The following EYS variants were observed in gnomAD, a reference collection of about 807,000 sequenced individuals.
EYS encodes protein eyes shut homolog.
Under a neutral mutation model 282.1 loss-of-function variants are expected in EYS, and 250 were observed. That is an observed-to-expected ratio of 0.89 (90% CI 0.80 to 0.98). The LOEUF (loss-of-function observed/expected upper bound fraction) is 0.98. Among genes scored for constraint, EYS ranks in the 50% least tolerant of loss-of-function variants. EYS has a pLI of 0.00. For synonymous variants in EYS, 1,355 were observed against 1,282.9 expected (o/e 1.06, Z -1.20); for missense variants, 4,016 against 3,709.0 (o/e 1.08, Z -2.15).
chr6:64,635,203 T>G (rs1461270125), intron 22 of EYS, among the ~76,000 whole-genome samples: 3 of 152,202 alleles, frequency 2.0e-5, no homozygotes, highest in Non-Finnish European at 4.4e-5. Context: ...AAGTTGCCTA[T>G]CAGCTTGAGG....
At chr6:65,101,777 G>A (rs531432154) in intron 12 of EYS, among the ~76,000 whole-genome samples, 2 of 151,204 alleles carry the variant, frequency 1.3e-5, no homozygotes, top group East Asian at 1.9e-4. Context: ...CTATATTGCA[G>A]TCCCTAGTTA....
At chr6:64,026,417 C>T (rs1562159869) in intron 33 of EYS, among the ~76,000 whole-genome samples, 3 of 152,088 alleles carry the variant, frequency 2.0e-5, no homozygotes, top group Non-Finnish European at 2.9e-5. Context: ...GCCATTGGGA[C>T]CAATTTGACC....
chr6:64,006,924 T>A (rs1157651397), intron 33 of EYS, among the ~76,000 whole-genome samples: 3 of 152,164 alleles, frequency 2.0e-5, no homozygotes, highest in Non-Finnish European at 4.4e-5. Context: ...TTTGCATTGA[T>A]GTTCATCGAA....
intron 2 of EYS, among the ~76,000 whole-genome samples, chr6:65,599,011 C>T (rs990198384): frequency 6.6e-6 from 1 of 152,046 alleles, no homozygotes; most frequent in Non-Finnish European, 1.5e-5. Context: ...AATCATCCCT[C>T]AGTATCCTCA....
chr6:64,669,424 C>A (rs1769357738), intron 22 of EYS, among the ~76,000 whole-genome samples: 1 of 152,034 alleles, frequency 6.6e-6, no homozygotes, highest in Non-Finnish European at 1.5e-5. Context: ...AGAGAAACGA[C>A]CTCAGATTTG....
chr6:65,693,118 CAAG>C (rs1166890140), intron 1 of EYS, among the ~76,000 whole-genome samples: 2 of 149,876 alleles, frequency 1.3e-5, no homozygotes, highest in African/African-American at 4.9e-5. Context: ...CCAATAATAA[CAAG>C]AAGTCAAATA....
intron 33 of EYS, among the ~76,000 whole-genome samples, chr6:64,026,677 C>T (rs897633496): frequency 2.0e-5 from 3 of 152,198 alleles, no homozygotes; most frequent in African/African-American, 7.2e-5. Flanking sequence ...GACCTCTCAG[C>T]TTACCCCCAT....
intron 1 of EYS, among the ~76,000 whole-genome samples, chr6:65,681,881 C>T (rs548061867): frequency 1.1e-4 from 17 of 151,906 alleles, no homozygotes; most frequent in Non-Finnish European, 1.8e-4. Context: ...AAAATCTAAT[C>T]ATTAAGAAAT....
intron 28 of EYS, among the ~76,000 whole-genome samples, chr6:64,418,993 T>C (rs1352468268): frequency 6.6e-6 from 1 of 152,134 alleles, no homozygotes; most frequent in Non-Finnish European, 1.5e-5. Context: ...GGTGCCAGGG[T>C]GTCAGCTGAA....
chr6:64,150,488 A>G (rs1774665465), intron 31 of EYS, among the ~76,000 whole-genome samples: 1 of 152,226 alleles, frequency 6.6e-6, no homozygotes, highest in Admixed American at 6.5e-5. Flanking sequence ...CCAATGATGT[A>G]GTAAAATGTA....
chr6:65,588,548 G>A lies in EYS; in HGVS notation c.-333+51230C>T, dbSNP rs552033364. On this transcript the variant is annotated intron_variant, in intron 2 of 42. Coordinates refer to ENST00000503581, the MANE Select transcript of EYS (RefSeq NM_001142800.2). ...TAAACTATTTCTAAACCTTCCCCCT[G>A]TCCATATCGTGCCTCTGTATTCGAA... 9.5e-5 allele frequency among the ~76,000 whole-genome samples: 14 copies of A among 148,078 alleles called. No homozygotes were observed. The Admixed American group carries it at 9.7e-4, about 10-fold the overall frequency.
intron 28 of EYS, among the ~76,000 whole-genome samples, chr6:64,395,919 A>C (rs1380488628): frequency 3.9e-5 from 6 of 152,136 alleles, no homozygotes; most frequent in African/African-American, 1.4e-4. Flanking sequence ...ATTTATATTG[A>C]ATTATGGCAT....
At chr6:64,899,268 G>T (rs1236331421) in intron 18 of EYS, among the ~76,000 whole-genome samples, 1 of 152,104 alleles carries the variant, frequency 6.6e-6, no homozygotes, top group East Asian at 1.9e-4. Context: ...AGACCACAGT[G>T]CAACAAACTA....
At chr6:65,291,818 T>G (rs1334159580) in intron 12 of EYS, among the ~76,000 whole-genome samples, 3 of 151,626 alleles carry the variant, frequency 2.0e-5, no homozygotes, top group African/African-American at 7.3e-5. Flanking sequence ...AGGATCCTGC[T>G]TCTACCTACA....
intron 11 of EYS, chr6:65,331,629 A>G: frequency 1.0e-6 from 1 of 981,460 alleles, no homozygotes; most frequent in Non-Finnish European, 1.2e-6. Context: ...AATGGCAAAC[A>G]AAAGAGAATC....
chr6:65,683,939 A>G (rs1322587605), intron 1 of EYS, among the ~76,000 whole-genome samples: 1 of 152,024 alleles, frequency 6.6e-6, no homozygotes, highest in Non-Finnish European at 1.5e-5. Flanking sequence ...TTTCTTTGCA[A>G]TAATGCTAAT....
intron 35 of EYS, 85 bp downstream of exon 35, chr6:63,984,298 T>C: frequency 1.1e-6 from 1 of 951,882 alleles, no homozygotes; most frequent in Non-Finnish European, 1.6e-6. Flanking sequence ...TTTTCGTCTC[T>C]CAGAGGACAA....
At chr6:64,020,873 C>T (rs1769155884) in intron 33 of EYS, among the ~76,000 whole-genome samples, 1 of 152,044 alleles carries the variant, frequency 6.6e-6, no homozygotes, top group African/African-American at 2.4e-5. Flanking sequence ...AGAAAGATCT[C>T]AATAGTGGTG....
At chr6:65,178,711 A>T (rs888411905) in intron 12 of EYS, among the ~76,000 whole-genome samples, 3 of 151,956 alleles carry the variant, frequency 2.0e-5, no homozygotes, top group Non-Finnish European at 4.4e-5. Context: ...CCAAGCAGAC[A>T]TAATAGACAT....
Sources: allele counts gnomAD v4.1 joint callset (sites outside exome capture counted in the v4.1 genomes callset), GRCh38; gene constraint gnomAD v4.1.1; transcripts MANE v1.5; gene names NCBI Gene and HGNC (gene_info 2026-07-23, HGNC 2026-07-21).